Variants in TTC23 observed in about 807,000 individuals in gnomAD.
The protein encoded by TTC23 is tetratricopeptide repeat protein 23.
Under a neutral mutation model 55.1 loss-of-function variants are expected in TTC23, and 58 were observed. That is an observed-to-expected ratio of 1.05 (90% CI 0.85 to 1.31). TTC23 has a LOEUF of 1.31. TTC23 is among the 50% of genes most tolerant of loss of function. TTC23 has a pLI of 0.00. For missense variants in TTC23, 516 were observed against 534.4 expected (o/e 0.97, Z 0.34); for synonymous variants, 203 against 199.9 (o/e 1.02, Z -0.13).
intron 4 of TTC23, among the ~76,000 whole-genome samples, chr15:99,230,963 A>G (rs750139796): frequency 2.3e-4 from 35 of 152,350 alleles, no homozygotes; most frequent in Admixed American, 1.2e-3. Context: ...TATTACAATC[A>G]TGTCCAGCTC....
At chr15:99,187,955 T>C (rs1597867) in intron 9 of TTC23, among the ~76,000 whole-genome samples, 1,657 of 152,090 alleles carry the variant, frequency 0.011, 27 homozygotes, top group African/African-American at 0.038. Context: ...AAGTTAAATA[T>C]AGAGTTACCA....
At chr15:99,163,469 T>C (rs1435219486) in intron 10 of TTC23, among the ~76,000 whole-genome samples, 1 of 152,156 alleles carries the variant, frequency 6.6e-6, no homozygotes, top group Non-Finnish European at 1.5e-5. Flanking sequence ...TGGCCAACAA[T>C]GCAATTTCAG....
intron 10 of TTC23, among the ~76,000 whole-genome samples, chr15:99,162,704 T>A (rs1213796231): frequency 6.6e-6 from 1 of 152,066 alleles, no homozygotes. Context: ...CCCTCCCCTG[T>A]GGTTATGGAT....
At chr15:99,197,734 C>G (rs920346520) in intron 9 of TTC23, among the ~76,000 whole-genome samples, 2 of 151,732 alleles carry the variant, frequency 1.3e-5, no homozygotes, top group Non-Finnish European at 2.9e-5. Flanking sequence ...GGTAAAACAT[C>G]ATCTCTACTA....
chr15:99,216,699 T>C (rs2077499993), intron 8 of TTC23, among the ~76,000 whole-genome samples: 1 of 152,212 alleles, frequency 6.6e-6, no homozygotes, highest in Admixed American at 6.5e-5. Context: ...TGCACCAGGT[T>C]GGCAAAGATT....
At chr15:99,179,811 AG>A (rs58847729) in intron 9 of TTC23, among the ~76,000 whole-genome samples, 2,431 of 152,302 alleles carry the variant, frequency 0.016, 72 homozygotes, top group African/African-American at 0.055. Context: ...ATGGAACATG[AG>A]GGCTCAGGGT....
At chr15:99,141,378 A>G (rs1312436283) in intron 12 of TTC23, among the ~76,000 whole-genome samples, 2 of 152,198 alleles carry the variant, frequency 1.3e-5, no homozygotes, top group African/African-American at 4.8e-5. Flanking sequence ...AAACAAAACC[A>G]TAGTAAAATA....
intron 10 of TTC23, among the ~76,000 whole-genome samples, chr15:99,171,559 CT>C (rs35676358): frequency 0.028 from 2,625 of 92,172 alleles, 32 homozygotes; most frequent in African/African-American, 0.1. Flanking sequence ...GTCTCTCCGT[CT>C]TTTTTTTTTT....
chr15:99,173,916 A>G (rs1163195600), intron 10 of TTC23, among the ~76,000 whole-genome samples: 6 of 152,220 alleles, frequency 3.9e-5, no homozygotes, highest in African/African-American at 1.4e-4. Flanking sequence ...AGGAGTTTCC[A>G]TCAAACATGT....
At chr15:99,244,626 G>A (rs1454293565) in intron 2 of TTC23, among the ~76,000 whole-genome samples, 4 of 151,940 alleles carry the variant, frequency 2.6e-5, no homozygotes, top group Non-Finnish European at 5.9e-5. Context: ...ATACATTATC[G>A]AAAGAAATTA....
rs149008204 is a variant in TTC23, at chr15:99,237,884, C to T, written c.-113-2804G>A. Among the ~76,000 whole-genome samples the T allele has an allele frequency of 5.4e-3, 826 of 152,250 alleles. 10 individuals are homozygous for T. Among genetic ancestry groups the T allele is most frequent in the African/African-American group, 0.019 (771 of 41,546 alleles). On this transcript the variant is annotated intron_variant, in intron 3 of 13. Transcript: ENST00000394132. ...AGGCTTTCAGAGATCCCTCCCCATT[C>T]CTCCTCTTCAAACTCCAATTCCATT...
intron 12 of TTC23, among the ~76,000 whole-genome samples, chr15:99,147,820 G>A (rs566244415): frequency 1.3e-4 from 20 of 152,292 alleles, no homozygotes; most frequent in East Asian, 1.2e-3. Context: ...GTGGCGTGGC[G>A]TGGTGGCTCT....
intron 12 of TTC23, among the ~76,000 whole-genome samples, chr15:99,153,414 C>G (rs1703767): frequency 0.67 from 101,081 of 151,968 alleles, 33,852 homozygotes; most frequent in Middle Eastern, 0.74. Context: ...AGAGGTGTCA[C>G]ACGTGTTACC....
intron 9 of TTC23, among the ~76,000 whole-genome samples, chr15:99,185,644 C>T (rs1335115924): frequency 6.6e-6 from 1 of 152,204 alleles, no homozygotes; most frequent in Admixed American, 6.5e-5. Context: ...CATAAACATA[C>T]TCTCACTCAC....
chr15:99,231,724 C>T (rs1373071552), intron 4 of TTC23, among the ~76,000 whole-genome samples: 1 of 151,996 alleles, frequency 6.6e-6, no homozygotes, highest in Non-Finnish European at 1.5e-5. Context: ...GATCTCCTGA[C>T]CTCGTGATCT....
At chr15:99,204,691 A>G (rs2152006632) in intron 8 of TTC23, among the ~76,000 whole-genome samples, 1 of 120,214 alleles carries the variant, frequency 8.3e-6, no homozygotes, top group East Asian at 2.6e-4. Context: ...GCTGGAGTGC[A>G]GTGGTGTGAT....
chr15:99,156,971 T>C (rs1372515067), intron 11 of TTC23, among the ~76,000 whole-genome samples: 1 of 152,076 alleles, frequency 6.6e-6, no homozygotes, highest in Non-Finnish European at 1.5e-5. Flanking sequence ...CACAATTGTG[T>C]GGGTCTCATT....
At chr15:99,178,639 TAC>T (rs1488931241) in intron 9 of TTC23, among the ~76,000 whole-genome samples, 1 of 152,210 alleles carries the variant, frequency 6.6e-6, no homozygotes, top group Non-Finnish European at 1.5e-5. Flanking sequence ...TATGCAGATT[TAC>T]AGACACTGCC....
At chr15:99,235,699 A>G (rs1275644534) in intron 3 of TTC23, among the ~76,000 whole-genome samples, 1 of 152,180 alleles carries the variant, frequency 6.6e-6, no homozygotes, top group Non-Finnish European at 1.5e-5. Flanking sequence ...TGTGCAGTTC[A>G]GTGACATTAA....
Sources: gnomAD v4.1 joint callset for allele counts (sites outside exome capture counted in the v4.1 genomes callset) on GRCh38, gnomAD v4.1.1 for gene constraint, MANE v1.5 for transcripts, NCBI Gene and HGNC (gene_info 2026-07-23, HGNC 2026-07-21) for gene names.